Variants in PPP2R5E observed in about 807,000 individuals in gnomAD.
The protein encoded by PPP2R5E is protein phosphatase 2 regulatory subunit B'epsilon, also known as serine/threonine-protein phosphatase 2A 56 kDa regulatory subunit epsilon isoform.
PPP2R5E carries 4 observed loss-of-function variants against 65.3 expected under a neutral mutation model. The ratio of observed to expected loss-of-function variants is 0.06; its 90% confidence interval spans 0.03 to 0.14. The LOEUF (loss-of-function observed/expected upper bound fraction) is 0.14, where lower values mean the gene tolerates loss of function less well. Among genes scored for constraint, PPP2R5E ranks in the 10% least tolerant of loss-of-function variants. PPP2R5E has a pLI of 1.00. For missense variants in PPP2R5E, 274 were observed against 556.1 expected (o/e 0.49, Z 5.10); for synonymous variants, 183 against 187.4 (o/e 0.98, Z 0.19).
At chr14:63,503,211 G>A (rs1891983622) in intron 2 of PPP2R5E, among the ~76,000 whole-genome samples, 1 of 152,104 alleles carries the variant, frequency 6.6e-6, no homozygotes, top group Non-Finnish European at 1.5e-5. Context: ...ATCAGAGTGA[G>A]CTAGACTAGA....
chr14:63,412,798 A>G (rs1299938758), intron 5 of PPP2R5E, among the ~76,000 whole-genome samples: 3 of 152,216 alleles, frequency 2.0e-5, no homozygotes, highest in Non-Finnish European at 4.4e-5. Flanking sequence ...ACCAGTCTAC[A>G]TCCTATTGTC....
intron 3 of PPP2R5E, among the ~76,000 whole-genome samples, chr14:63,441,220 C>T (rs1424290973): frequency 2.6e-5 from 4 of 152,166 alleles, no homozygotes; most frequent in Non-Finnish European, 5.9e-5. Context: ...CATTAGTACA[C>T]ACCTTTGTGA....
In PPP2R5E at chr14:63,395,230, C is replaced by G; in HGVS notation, c.736G>C (p.Gly246Arg). The change falls in exon 7 of 14, where the codon GGA becomes CGA. Residue 246 changes from glycine (G) to arginine (R), a missense_variant. Physicochemically the swap from Gly to Arg is moderately radical, Grantham distance 125. This residue lies in a region of PPP2R5E where 17 missense variants were observed against 90.3 expected (regional missense o/e 0.19). Transcript: ENST00000337537. Reference protein sequence around the residue: ...NGVAELLEILGSIINGFALPL... With the variant: ...NGVAELLEILRSIINGFALPL... Reference sequence around the variant, plus strand: ...AATTAGAAAAACCGTGCTCACCTTCCTAATATTTCCAGCAGTTCAGCTACA... The same window carrying G: ...AATTAGAAAAACCGTGCTCACCTTCGTAATATTTCCAGCAGTTCAGCTACA... 6.2e-7 allele frequency: 1 copy of G among 1,609,450 alleles called. No homozygotes were observed. Among genetic ancestry groups the G allele is most frequent in the South Asian group, 1.1e-5 (1 of 90,950 alleles).
rs74245179 is a variant in PPP2R5E, at chr14:63,396,753, G to A, written c.550-37C>T. Reference sequence around the variant, plus strand: ...GAAAGACATTATAGCTGTCAAAGGCGGTTTCAGAAAAGGATTTAGGAATTC... The same window carrying A: ...GAAAGACATTATAGCTGTCAAAGGCAGTTTCAGAAAAGGATTTAGGAATTC... On this transcript the variant is annotated intron_variant, in intron 5 of 13. Coordinates refer to ENST00000337537, the MANE Select transcript of PPP2R5E (RefSeq NM_006246.5). 14,171 of 1,595,482 alleles carry A rather than the reference G, an allele frequency of 8.9e-3. 627 individuals carry two copies. In the East Asian group the frequency reaches 0.11, roughly 13 times the overall value.
intron 5 of PPP2R5E, among the ~76,000 whole-genome samples, chr14:63,408,455 G>A (rs1886210930): frequency 6.6e-6 from 1 of 152,104 alleles, no homozygotes; most frequent in Non-Finnish European, 1.5e-5. Flanking sequence ...GGCACGCTCA[G>A]CAGGGTCATC....
At chr14:63,519,487 C>T (rs1411002163) in intron 2 of PPP2R5E, among the ~76,000 whole-genome samples, 5 of 150,032 alleles carry the variant, frequency 3.3e-5, no homozygotes, top group African/African-American at 9.8e-5. Context: ...ATTACAGGCA[C>T]ACACCACCAT....
intron 10 of PPP2R5E, among the ~76,000 whole-genome samples, 157 bp from the exon 11 acceptor site, chr14:63,389,888 C>A (rs1169578313): frequency 6.6e-6 from 1 of 152,066 alleles, no homozygotes; most frequent in Non-Finnish European, 1.5e-5. Flanking sequence ...AGAAGATGTT[C>A]GTTCCACAAA....
chr14:63,434,437 G>C (rs996427304), intron 3 of PPP2R5E, among the ~76,000 whole-genome samples: 1 of 152,160 alleles, frequency 6.6e-6, no homozygotes, highest in Non-Finnish European at 1.5e-5. Context: ...ACGCCTCCAA[G>C]TCATGATTTC....
At chr14:63,515,984 G>A (rs956298709) in intron 2 of PPP2R5E, among the ~76,000 whole-genome samples, 2 of 151,150 alleles carry the variant, frequency 1.3e-5, no homozygotes, top group Admixed American at 1.3e-4. Flanking sequence ...CAAGTAGCTG[G>A]GACTATAAGC....
At chr14:63,473,537 G>A (rs544030202) in intron 2 of PPP2R5E, among the ~76,000 whole-genome samples, 1 of 152,316 alleles carries the variant, frequency 6.6e-6, no homozygotes, top group South Asian at 2.1e-4. Flanking sequence ...AGTGCTAACA[G>A]TGTACTAAAG....
chr14:63,409,464 A>G (rs1229677551), intron 5 of PPP2R5E, among the ~76,000 whole-genome samples: 1 of 152,178 alleles, frequency 6.6e-6, no homozygotes, highest in Non-Finnish European at 1.5e-5. Flanking sequence ...CATTCTATCA[A>G]TGCGGGCAGA....
At chr14:63,430,713 C>T (rs573445724) in intron 3 of PPP2R5E, among the ~76,000 whole-genome samples, 37 of 152,182 alleles carry the variant, frequency 2.4e-4, no homozygotes, top group Middle Eastern at 3.4e-3. Context: ...TCTTTTAAGC[C>T]GATACTTTAA....
At chr14:63,395,381 A>T in intron 6 of PPP2R5E, 96 bp from the exon 7 acceptor site, 1 of 507,608 alleles carries the variant, frequency 2.0e-6, no homozygotes, top group Admixed American at 2.9e-5. Flanking sequence ...GGGGAGGAGG[A>T]GGAGAAGAGG....
intron 2 of PPP2R5E, among the ~76,000 whole-genome samples, chr14:63,520,417 AC>A (rs1411498986): frequency 6.6e-6 from 1 of 152,118 alleles, no homozygotes; most frequent in Non-Finnish European, 1.5e-5. Flanking sequence ...CTGAATGGCC[AC>A]CCTATTTCTC....
chr14:63,389,801 TA>T, intron 10 of PPP2R5E, 70 bp from the exon 11 acceptor site: 1 of 1,395,062 alleles, frequency 7.2e-7, no homozygotes, highest in South Asian at 1.7e-5. Flanking sequence ...CAAGGAGGAT[TA>T]ATGAGAGTTT....
intron 3 of PPP2R5E, among the ~76,000 whole-genome samples, chr14:63,437,403 T>A (rs1369644353): frequency 6.6e-6 from 1 of 152,220 alleles, no homozygotes; most frequent in Non-Finnish European, 1.5e-5. Context: ...TTACATGAGA[T>A]CCAAGAACCC....
At chr14:63,463,758 G>A (rs946536444) in intron 2 of PPP2R5E, among the ~76,000 whole-genome samples, 22 of 151,468 alleles carry the variant, frequency 1.5e-4, no homozygotes, top group African/African-American at 5.1e-4. Flanking sequence ...CACCATGCCC[G>A]GCTACTTTTT....
intron 2 of PPP2R5E, among the ~76,000 whole-genome samples, chr14:63,485,196 T>TAAA (rs200719135): frequency 3.2e-5 from 4 of 126,368 alleles, no homozygotes; most frequent in Admixed American, 8.0e-5. Context: ...TATACTCATT[T>TAAA]AAAAAAAAAA....
At chr14:63,493,669 A>G (rs1229387884) in intron 2 of PPP2R5E, among the ~76,000 whole-genome samples, 2 of 152,242 alleles carry the variant, frequency 1.3e-5, no homozygotes, top group South Asian at 2.1e-4. Flanking sequence ...GTGGCAAGAC[A>G]TATTTCTGAC....
Sources: allele counts gnomAD v4.1 joint callset (sites outside exome capture counted in the v4.1 genomes callset), GRCh38; gene constraint gnomAD v4.1.1; regional missense constraint gnomAD v4.1.1; transcripts MANE v1.5; gene names NCBI Gene and HGNC (gene_info 2026-07-23, HGNC 2026-07-21).